R3HDM2: variants seen among roughly 807,000 people sequenced by gnomAD.
R3HDM2 encodes the protein R3H domain containing 2, also known as R3H domain-containing protein 2.
R3HDM2 carries 38 observed loss-of-function variants against 124.5 expected under a neutral mutation model. The ratio of observed to expected loss-of-function variants is 0.31; its 90% confidence interval spans 0.24 to 0.40. R3HDM2 has a LOEUF of 0.40. Ranked by LOEUF, R3HDM2 falls within the 10% of genes least tolerant of loss-of-function variation. The probability of loss-of-function intolerance (pLI) is 1.00; values close to 1 mark genes in which losing one functional copy is unlikely to be tolerated. For synonymous variants in R3HDM2, 391 were observed against 448.0 expected (o/e 0.87, Z 1.61); for missense variants, 869 against 1,236.9 (o/e 0.70, Z 4.46).
intron 2 of R3HDM2, among the ~76,000 whole-genome samples, chr12:57,320,261 C>CAAGAAAAAAAAAAAA (rs2056139298): frequency 7.0e-5 from 1 of 14,276 alleles, no homozygotes; most frequent in African/African-American, 2.3e-4. Flanking sequence ...AACTCTATCT[C>CAAGAAAAAAAAAAAA]AAAAAAAAAA....
At position 57,313,577 on chromosome 12, in the gene R3HDM2, AT is replaced by A. The variant is rs1244554728; in HGVS notation, c.-35-3115del. 5.3e-3 allele frequency among the ~76,000 whole-genome samples: 730 copies of A among 137,470 alleles called. 2 individuals carry two copies. Among genetic ancestry groups the A allele is most frequent in the Non-Finnish European group, 6.7e-3 (423 of 63,344 alleles). 90.2% of individuals were successfully genotyped at this position (137,470 alleles called of 152,430 possible). On this transcript the variant is annotated intron_variant, in intron 2 of 23. Coordinates refer to ENST00000402412, the MANE Select transcript of R3HDM2 (RefSeq NM_001394031.1). ...AGACCTTGTCTCAAAAAAAAAAAAA[AT>A]AATAATAATAAATAAATTATGCTGG...
intron 21 of R3HDM2, 64 bp from the exon 22 acceptor site, chr12:57,256,575 T>C (rs1431703442): frequency 1.1e-5 from 14 of 1,251,488 alleles, no homozygotes; most frequent in African/African-American, 1.5e-5. Context: ...TTTATAAGAC[T>C]TCAAGGGGCT....
chr12:57,365,133 G>A (rs570779337), intron 2 of R3HDM2, among the ~76,000 whole-genome samples: 7 of 150,236 alleles, frequency 4.7e-5, no homozygotes, highest in South Asian at 2.1e-4. Flanking sequence ...TCAAGGTGGC[G>A]CATGCCTGTA....
At chr12:57,297,591 C>T (rs1170966490) in intron 7 of R3HDM2, among the ~76,000 whole-genome samples, 2 of 152,146 alleles carry the variant, frequency 1.3e-5, no homozygotes, top group African/African-American at 4.8e-5. Context: ...CCCGAGTATA[C>T]ATTTTGCAGG....
At chr12:57,346,483 G>A (rs79290418) in intron 2 of R3HDM2, among the ~76,000 whole-genome samples, 18 of 152,110 alleles carry the variant, frequency 1.2e-4, no homozygotes, top group African/African-American at 4.1e-4. Flanking sequence ...AAGAAACCAT[G>A]AGAACTAGAA....
intron 14 of R3HDM2, 101 bp downstream of exon 14, chr12:57,280,257 A>C (rs1365784047): frequency 1.6e-6 from 2 of 1,258,642 alleles, no homozygotes; most frequent in Non-Finnish European, 2.1e-6. Context: ...GTCTCCAAAA[A>C]CTGATCCTTC....
chr12:57,424,626 C>A (rs1447576557), intron 1 of R3HDM2, among the ~76,000 whole-genome samples: 1 of 152,126 alleles, frequency 6.6e-6, no homozygotes, highest in East Asian at 1.9e-4. Context: ...TAAACAAAAA[C>A]CATAAATTCT....
At position 57,297,950 on chromosome 12, in the gene R3HDM2, C is replaced by G. The variant is rs535486288; in HGVS notation, c.500+140G>C. The stretch of plus-strand genomic sequence containing the variant: ...TTTGAATCCCTCACAGAATATAAAA[C>G]TATACCTGACAAATACTAGGGGGAC... On this transcript the variant is annotated intron_variant, in intron 7 of 23. Transcript: ENST00000402412. 5.2e-5 allele frequency: 36 copies of G among 693,410 alleles called. No homozygotes were observed. The African/African-American group carries it at 6.5e-4, about 12-fold the overall frequency. The allele number at this position is 693,410 out of a possible 1,614,324, so 43.0% of individuals were successfully genotyped here.
In R3HDM2 at chr12:57,298,150, G is replaced by A. The variant is rs1592918978; in HGVS notation, c.440C>T (p.Thr147Met). 2 of 1,550,544 alleles carry A rather than the reference G, an allele frequency of 1.3e-6. No individual in the cohort carries two copies. The highest frequency in any genetic ancestry group is 1.7e-6 in the Non-Finnish European group (2 of 1,146,274). ...ATGTAGGTCTATTCCAGTGGAGTCC[G>A]TATATTCCTGGCTGGAGTCTAGAAC... is the stretch of plus-strand genomic sequence containing the variant. ...MLSRDSSQEY[T>M]DSTGIDLHEF... The change falls in exon 7 of 24, where the codon ACG (threonine) becomes ATG (methionine). Residue 147 changes from threonine to methionine, a missense_variant. Coordinates refer to ENST00000402412, the MANE Select transcript of R3HDM2 (RefSeq NM_001394031.1).
chr12:57,300,403 A>G (rs892545090), intron 4 of R3HDM2, among the ~76,000 whole-genome samples: 1 of 152,136 alleles, frequency 6.6e-6, no homozygotes, highest in Non-Finnish European at 1.5e-5. Context: ...GACATGTACA[A>G]ACTGGCTACA....
intron 19 of R3HDM2, among the ~76,000 whole-genome samples, chr12:57,265,353 A>C (rs1301080027): frequency 6.6e-6 from 1 of 152,202 alleles, no homozygotes; most frequent in African/African-American, 2.4e-5. Flanking sequence ...AAGCTGCTAA[A>C]CAAATCTAAG....
intron 2 of R3HDM2, among the ~76,000 whole-genome samples, chr12:57,382,510 G>C (rs1441654133): frequency 6.8e-6 from 1 of 146,142 alleles, no homozygotes; most frequent in African/African-American, 2.5e-5. Flanking sequence ...GCCTCTCAAA[G>C]TGCTGGGATG....
At chr12:57,258,219 T>C in intron 20 of R3HDM2, 82 bp from the exon 21 acceptor site, 4 of 1,247,358 alleles carry the variant, frequency 3.2e-6, no homozygotes, top group Non-Finnish European at 4.1e-6. Context: ...AAAATTCACC[T>C]CTCTCAGGAA....
Position 57,254,695 on chromosome 12 carries a change from C to A in R3HDM2, c.*78G>T, listed in dbSNP as rs2038373555. ...CAGTTTCCTTACTTCCTGCCTCTGTCCATGGTCTGTCAGGATCCTTCAACC... is the reference window on the plus strand; with the variant it reads ...CAGTTTCCTTACTTCCTGCCTCTGTACATGGTCTGTCAGGATCCTTCAACC... On this transcript the variant is annotated 3_prime_UTR_variant, in exon 24 of 24. Coordinates refer to ENST00000402412, the MANE Select transcript of R3HDM2 (RefSeq NM_001394031.1). 7.8e-7 allele frequency: 1 copy of A among 1,274,734 alleles called. No individual in the cohort carries two copies. The highest frequency in any genetic ancestry group is 1.5e-5 in the African/African-American group (1 of 66,802). The allele number at this position is 1,274,734 out of a possible 1,614,324, so 79.0% of individuals were successfully genotyped here.
At chr12:57,345,068 G>A (rs1423636498) in intron 2 of R3HDM2, among the ~76,000 whole-genome samples, 3 of 151,870 alleles carry the variant, frequency 2.0e-5, no homozygotes, top group Admixed American at 1.3e-4. Context: ...TCCCGACCTC[G>A]GGTGATCTGC....
At chr12:57,422,745 G>A (rs1474953480) in intron 1 of R3HDM2, among the ~76,000 whole-genome samples, 1 of 152,162 alleles carries the variant, frequency 6.6e-6, no homozygotes, top group East Asian at 1.9e-4. Context: ...GGAGGCCAAG[G>A]CAGGACAGGA....
intron 10 of R3HDM2, among the ~76,000 whole-genome samples, chr12:57,294,258 T>G (rs1033018199): frequency 5.9e-5 from 9 of 152,142 alleles, no homozygotes; most frequent in African/African-American, 1.9e-4. Context: ...AGCCTGAAGC[T>G]GAGAGATGAA....
At chr12:57,260,716 G>C (rs1312338291) in intron 19 of R3HDM2, among the ~76,000 whole-genome samples, 1 of 152,156 alleles carries the variant, frequency 6.6e-6, no homozygotes, top group East Asian at 1.9e-4. Flanking sequence ...AAAACCTGCT[G>C]CAATGCTGCT....
chr12:57,331,260 C>T (rs1409940083), intron 2 of R3HDM2, among the ~76,000 whole-genome samples: 1 of 152,038 alleles, frequency 6.6e-6, no homozygotes. Flanking sequence ...GCTCAAAATC[C>T]CCCAATGGGT....
Sources: gnomAD v4.1 joint callset for allele counts (sites outside exome capture counted in the v4.1 genomes callset) on GRCh38, gnomAD v4.1.1 for gene constraint, MANE v1.5 for transcripts, NCBI Gene and HGNC (gene_info 2026-07-23, HGNC 2026-07-21) for gene names.